FOXP2: variants seen among roughly 807,000 people sequenced by gnomAD.
FOXP2 encodes the protein forkhead box protein P2.
In FOXP2, 12 loss-of-function variants were observed where a neutral mutation model predicts 115.8. That is an observed-to-expected ratio of 0.10 (90% CI 0.07 to 0.17). The LOEUF is 0.17. Among genes scored for constraint, FOXP2 ranks in the 10% least tolerant of loss-of-function variants. FOXP2 has a pLI of 1.00. For missense variants in FOXP2, 629 were observed against 843.5 expected (o/e 0.75, Z 3.15); for synonymous variants, 328 against 297.7 (o/e 1.10, Z -1.05).
rs748635208 is a variant in FOXP2 at position 114,662,057 on chromosome 7, T to C, written c.1648-8T>C. 3 of 1,612,398 alleles carry C rather than the reference T, an allele frequency of 1.9e-6. No homozygotes were observed. Among genetic ancestry groups the C allele is most frequent in the Admixed American group, 3.3e-5 (2 of 59,864 alleles). Reference sequence around the variant, plus strand: ...TTGCCATTTTTTCTTCTCTTCTGTCTGCTTTAGAATGCAGTACGTCATAAT... The same window carrying C: ...TTGCCATTTTTTCTTCTCTTCTGTCCGCTTTAGAATGCAGTACGTCATAAT... On this transcript the variant is annotated splice_polypyrimidine_tract_variant and splice_region_variant and intron_variant, in intron 13 of 16. Coordinates refer to ENST00000350908, the MANE Select transcript of FOXP2 (RefSeq NM_014491.4).
At chr7:114,658,341 G>A in intron 11 of FOXP2, 74 bp downstream of exon 11, 1 of 1,438,366 alleles carries the variant, frequency 7.0e-7, no homozygotes, top group Non-Finnish European at 9.7e-7. Flanking sequence ...CTGTACATGA[G>A]CCATTCCAGA....
chr7:114,230,226 T>A (rs1475833737), intron 1 of FOXP2, among the ~76,000 whole-genome samples: 1 of 151,928 alleles, frequency 6.6e-6, no homozygotes, highest in East Asian at 1.9e-4. Flanking sequence ...GGAGATTGAA[T>A]CAGTAATCAA....
intron 2 of FOXP2, among the ~76,000 whole-genome samples, chr7:114,341,303 G>A (rs986115632): frequency 1.3e-5 from 2 of 151,132 alleles, no homozygotes; most frequent in Non-Finnish European, 3.0e-5. Flanking sequence ...GTAAGACATC[G>A]TCTTTATTTT....
At chr7:114,352,434 G>GTATTATGTTATTGTATA (rs1355277653) in intron 2 of FOXP2, among the ~76,000 whole-genome samples, 3 of 152,152 alleles carry the variant, frequency 2.0e-5, no homozygotes, top group African/African-American at 7.2e-5. Flanking sequence ...CAATAACATA[G>GTATTATGTTATTGTATA]ACCAACAGTA....
chr7:114,132,577 G>A (rs1742912801), intron 1 of FOXP2, among the ~76,000 whole-genome samples: 3 of 85,072 alleles, frequency 3.5e-5, no homozygotes, highest in African/African-American at 3.5e-5. Flanking sequence ...GTGTGTGTGT[G>A]TGTGTGAGAG....
At chr7:114,453,480 A>T (rs971665535) in intron 2 of FOXP2, among the ~76,000 whole-genome samples, 1 of 152,026 alleles carries the variant, frequency 6.6e-6, no homozygotes, top group Non-Finnish European at 1.5e-5. Context: ...CCAAAAGCAA[A>T]ATGATATAAA....
chr7:114,095,827 GA>G lies in FOXP2; in HGVS notation c.-247+7990del, dbSNP rs1228586713. Among the ~76,000 whole-genome samples, 4 of 152,120 alleles carry G rather than the reference GA, an allele frequency of 2.6e-5. No homozygotes were observed. The East Asian group carries it at 7.7e-4, about 29-fold the overall frequency. ...CTTTTTAATGGACTTTACATGCACA[GA>G]CATACATTATCCAGTCTATGCATTG... On this transcript the variant is annotated intron_variant, in intron 1 of 19. Coordinates refer to the FOXP2 transcript ENST00000635638.
chr7:114,226,529 C>T (rs908501764), intron 1 of FOXP2, among the ~76,000 whole-genome samples: 2 of 152,098 alleles, frequency 1.3e-5, no homozygotes, highest in Admixed American at 6.6e-5. Flanking sequence ...TATTTGGTCT[C>T]CTCTTCATTT....
rs548157979 is a variant in FOXP2, at chr7:114,270,994, G to C, written c.-101-17025G>C. On this transcript the variant is annotated intron_variant, in intron 1 of 17. Transcript: ENST00000634411. ...TTTTTTTTTTGTATGTGGATGTCTAGTTGTTCTAGCACCACATGTTGAAAA... is the reference window on the plus strand; with the variant it reads ...TTTTTTTTTTGTATGTGGATGTCTACTTGTTCTAGCACCACATGTTGAAAA... Among the ~76,000 whole-genome samples, 20 of 151,836 alleles carry C rather than the reference G, an allele frequency of 1.3e-4. No individual in the cohort carries two copies. In the East Asian group the frequency reaches 3.1e-3, roughly 23 times the overall value.
intron 3 of FOXP2, among the ~76,000 whole-genome samples, chr7:114,601,882 T>A (rs1056810508): frequency 6.6e-6 from 1 of 152,058 alleles, no homozygotes; most frequent in African/African-American, 2.4e-5. Context: ...TTTATTTTGA[T>A]ACAGTTCCAT....
intron 1 of FOXP2, among the ~76,000 whole-genome samples, chr7:114,242,100 A>G (rs939223163): frequency 1.3e-5 from 2 of 150,912 alleles, no homozygotes; most frequent in Non-Finnish European, 1.5e-5. Context: ...TTGAATGACT[A>G]TTAATTTAGA....
intron 2 of FOXP2, among the ~76,000 whole-genome samples, chr7:114,516,977 A>G (rs537961844): frequency 5.9e-5 from 9 of 152,008 alleles, no homozygotes; most frequent in Non-Finnish European, 1.3e-4. Flanking sequence ...TACAGGTGTG[A>G]GCCACTGTGC....
chr7:114,195,554 C>A (rs1262493443), intron 1 of FOXP2, among the ~76,000 whole-genome samples: 2 of 152,024 alleles, frequency 1.3e-5, no homozygotes, highest in Non-Finnish European at 2.9e-5. Flanking sequence ...GTTCATTCAT[C>A]CACTAATTTT....
chr7:114,123,808 G>A (rs1257434970), intron 1 of FOXP2, among the ~76,000 whole-genome samples: 1 of 152,002 alleles, frequency 6.6e-6, no homozygotes, highest in Non-Finnish European at 1.5e-5. Flanking sequence ...ATTTTTAAAA[G>A]CATTATAAAG....
At chr7:114,330,047 T>C (rs1797662679) in intron 2 of FOXP2, among the ~76,000 whole-genome samples, 1 of 152,194 alleles carries the variant, frequency 6.6e-6, no homozygotes, top group African/African-American at 2.4e-5. Context: ...TTACCTAATT[T>C]AGATTTATAT....
chr7:114,642,830 G>T (rs1251409209), intron 7 of FOXP2, among the ~76,000 whole-genome samples: 9 of 61,020 alleles, frequency 1.5e-4, no homozygotes, highest in South Asian at 6.1e-4. Context: ...TTTTTTTTAG[G>T]CAGAGTCTTG....
chr7:114,463,189 C>T, intron 2 of FOXP2: 1 of 237,280 alleles, frequency 4.2e-6, no homozygotes, highest in Non-Finnish European at 8.8e-6. Context: ...CCACCATGTC[C>T]AGCTCTTGCA....
At chr7:114,154,446 A>AGT (rs1792608799) in intron 1 of FOXP2, among the ~76,000 whole-genome samples, 1 of 152,072 alleles carries the variant, frequency 6.6e-6, no homozygotes, top group Non-Finnish European at 1.5e-5. Context: ...AATAAGTGTA[A>AGT]GTACATCTCC....
At position 114,236,170 on chromosome 7, in the gene FOXP2, T is replaced by C. The variant is rs575159952; in HGVS notation, c.-101-51849T>C. ...CCAGTGAGAGGATAAGAAATATGAA[T>C]ATGGAAAAGCTTTCAATGGATTGGC... On this transcript the variant is annotated intron_variant, in intron 1 of 17. Coordinates refer to the FOXP2 transcript ENST00000634411. 1.9e-4 allele frequency among the ~76,000 whole-genome samples: 29 copies of C among 152,310 alleles called. 1 individual carries two copies. In the South Asian group the frequency reaches 6.0e-3, roughly 32 times the overall value.
Sources: gnomAD v4.1 joint callset for allele counts (sites outside exome capture counted in the v4.1 genomes callset) on GRCh38, gnomAD v4.1.1 for gene constraint, MANE v1.5 for transcripts, NCBI Gene and HGNC (gene_info 2026-07-23, HGNC 2026-07-21) for gene names.